SPRED2: variants seen among roughly 807,000 people sequenced by gnomAD.
SPRED2 encodes sprouty related EVH1 domain containing 2.
SPRED2 carries 47 observed loss-of-function variants against 43.0 expected under a neutral mutation model. The ratio of observed to expected loss-of-function variants is 1.09; its 90% CI spans 0.87 to 1.40. SPRED2 has a LOEUF of 1.40. Ranked by LOEUF, SPRED2 falls within the 40% of genes most tolerant of loss-of-function variation. The pLI is 0.00. For missense variants in SPRED2, 561 were observed against 586.4 expected (o/e 0.96, Z 0.45); for synonymous variants, 225 against 225.7 (o/e 1.00, Z 0.03).
intron 1 of SPRED2, among the ~76,000 whole-genome samples, chr2:65,418,081 C>T (rs1231687077): frequency 1.3e-5 from 2 of 152,298 alleles, no homozygotes; most frequent in Non-Finnish European, 2.9e-5. Context: ...TAACTAAAGT[C>T]AGAGAGAAAA....
intron 1 of SPRED2, among the ~76,000 whole-genome samples, chr2:65,352,575 C>T (rs977186164): frequency 1.3e-5 from 2 of 152,334 alleles, no homozygotes; most frequent in Non-Finnish European, 1.5e-5. Flanking sequence ...TAATCTTGCT[C>T]GTGCAGAGTA....
At chr2:65,376,875 C>T (rs566539682) in intron 1 of SPRED2, among the ~76,000 whole-genome samples, 7 of 152,158 alleles carry the variant, frequency 4.6e-5, no homozygotes, top group African/African-American at 1.7e-4. Flanking sequence ...CCACCATGCC[C>T]GGCTAATTTT....
chr2:65,375,114 C>T (rs1270314183), intron 1 of SPRED2, among the ~76,000 whole-genome samples: 1 of 152,232 alleles, frequency 6.6e-6, no homozygotes, highest in Non-Finnish European at 1.5e-5. Context: ...CTGAAGAACA[C>T]ATACCCTGGA....
At chr2:65,406,792 C>T (rs1676034709) in intron 1 of SPRED2, among the ~76,000 whole-genome samples, 1 of 152,190 alleles carries the variant, frequency 6.6e-6, no homozygotes, top group Non-Finnish European at 1.5e-5. Context: ...AAGGCAGCCG[C>T]ACTTCCTTAG....
intron 3 of SPRED2, among the ~76,000 whole-genome samples, chr2:65,332,778 T>C (rs1673852014): frequency 6.6e-6 from 1 of 152,212 alleles, no homozygotes; most frequent in African/African-American, 2.4e-5. Context: ...TTTTTCTTCA[T>C]TCTGGTATGC....
At position 65,384,312 on chromosome 2, in the gene SPRED2, C is replaced by A. The variant is rs116716850; in HGVS notation, c.27-39416G>T. Among the ~76,000 whole-genome samples, 717 of 152,156 alleles carry A rather than the reference C, an allele frequency of 4.7e-3. 8 individuals are homozygous for A. The highest frequency in any genetic ancestry group is 0.017 in the African/African-American group (693 of 41,510). On this transcript the variant is annotated intron_variant, in intron 1 of 5. Coordinates refer to ENST00000356388, the MANE Select transcript of SPRED2 (RefSeq NM_181784.3). ...CCCTGTCAGCATACTTTCCATGGCT[C>A]CCTACTGCTTATGGAATAAAGTCAG...
At chr2:65,374,375 T>C (rs543381694) in intron 1 of SPRED2, among the ~76,000 whole-genome samples, 1 of 152,358 alleles carries the variant, frequency 6.6e-6, no homozygotes, top group South Asian at 2.1e-4. Flanking sequence ...TGTACAAATT[T>C]AACTGCAGGA....
At chr2:65,384,737 G>C (rs909053439) in intron 1 of SPRED2, among the ~76,000 whole-genome samples, 2 of 152,086 alleles carry the variant, frequency 1.3e-5, no homozygotes, top group African/African-American at 4.8e-5. Flanking sequence ...AAGAAGATCG[G>C]TTTCCACCCT....
chr2:65,313,154 T>C lies in SPRED2; in HGVS notation c.*347A>G, dbSNP rs1673116378. ...GTTCCAATTGCAGACTCCTTTGAAC[T>C]GGAAGAGGCGGGGGAGGAGGAAACA... On this transcript the variant is annotated 3_prime_UTR_variant, in exon 6 of 6. Transcript: ENST00000356388. The C allele has an allele frequency of 5.8e-6, 6 of 1,028,802 alleles. No homozygotes were observed. Among genetic ancestry groups the C allele is most frequent in the Non-Finnish European group, 7.0e-6 (6 of 858,790 alleles). 63.7% of individuals were successfully genotyped at this position (1,028,802 alleles called of 1,614,324 possible).
At chr2:65,363,351 A>C (rs754199682) in intron 1 of SPRED2, among the ~76,000 whole-genome samples, 72 of 152,184 alleles carry the variant, frequency 4.7e-4, no homozygotes, top group Non-Finnish European at 8.1e-4. Context: ...AGCTGTCAGC[A>C]AACATGTACC....
rs767119087 is a variant in SPRED2, at chr2:65,432,027, T to G, written c.-40A>C. 1 of 1,613,408 alleles carries G rather than the reference T, an allele frequency of 6.2e-7. No individual in the cohort carries two copies. The highest frequency in any genetic ancestry group is 1.3e-5 in the African/African-American group (1 of 75,038). ...AGACGCCTGTCCCGCGGCGGGCAGC[T>G]TTGCTCCCTTCATCTTCCTGTCCGC... On this transcript the variant is annotated 5_prime_UTR_variant, in exon 1 of 6. Transcript: ENST00000356388.
intron 1 of SPRED2, among the ~76,000 whole-genome samples, chr2:65,419,323 T>A (rs1182967754): frequency 1.3e-5 from 2 of 152,132 alleles, no homozygotes; most frequent in Admixed American, 6.5e-5. Context: ...ACATAGTCTG[T>A]AGGTTAGACT....
At chr2:65,421,772 T>C (rs1484253513) in intron 1 of SPRED2, among the ~76,000 whole-genome samples, 1 of 152,248 alleles carries the variant, frequency 6.6e-6, no homozygotes, top group Non-Finnish European at 1.5e-5. Context: ...CTGAGGTGTT[T>C]ACAGGATTCT....
intron 2 of SPRED2, among the ~76,000 whole-genome samples, chr2:65,341,446 T>C (rs1674181864): frequency 6.6e-6 from 1 of 152,134 alleles, no homozygotes; most frequent in Non-Finnish European, 1.5e-5. Context: ...GGTCCACGAC[T>C]CAGCGGGGGC....
In SPRED2 at chr2:65,313,898, A is replaced by T. The variant is rs763737477; in HGVS notation, c.860T>A (p.Val287Glu). The change falls in exon 6 of 6, where the codon GTG becomes GAG. Residue 287 changes from valine to glutamate, a missense_variant. By Grantham distance (121) the Val-to-Glu change is moderately radical (BLOSUM62 -2). Transcript: ENST00000356388. ...GCCCCGGGAGGGCTGCGTCTTGATC[A>T]CGCTGCCCCCGCGGCCTTTGGGGTC... ...GEDPKGRGGS[V>E]IKTQPSRGKS... 8 of 1,610,152 alleles carry T rather than the reference A, an allele frequency of 5.0e-6. No individual in the cohort carries two copies. The Admixed American group carries it at 1.3e-4, about 27-fold the overall frequency.
chr2:65,421,344 T>C (rs1332224197), intron 1 of SPRED2, among the ~76,000 whole-genome samples: 1 of 152,204 alleles, frequency 6.6e-6, no homozygotes, highest in Non-Finnish European at 1.5e-5. Flanking sequence ...GTCATCTTTT[T>C]ATTAGGGTCT....
In SPRED2 at chr2:65,311,810, G is replaced by C. The variant is rs1380721313; in HGVS notation, c.*1691C>G. The C allele has an allele frequency of 2.0e-6, 2 of 985,432 alleles. No individual in the cohort carries two copies. Among genetic ancestry groups the C allele is most frequent in the Non-Finnish European group, 2.4e-6 (2 of 829,948 alleles). 61.0% of individuals were successfully genotyped at this position (985,432 alleles called of 1,614,324 possible). On this transcript the variant is annotated 3_prime_UTR_variant, in exon 6 of 6. Coordinates refer to ENST00000356388, the MANE Select transcript of SPRED2 (RefSeq NM_181784.3). Reference sequence around the variant, plus strand: ...AAAGAAAATCGATGAGCTTGTGGACGAGCTGGAAACAGCCCCATGAAGGTG... The same window carrying C: ...AAAGAAAATCGATGAGCTTGTGGACCAGCTGGAAACAGCCCCATGAAGGTG...
At chr2:65,418,109 C>CA (rs530558708) in intron 1 of SPRED2, among the ~76,000 whole-genome samples, 68 of 152,348 alleles carry the variant, frequency 4.5e-4, no homozygotes, top group Middle Eastern at 6.8e-3. Flanking sequence ...TGAGATCTGT[C>CA]AGACAGAATT....
intron 1 of SPRED2, among the ~76,000 whole-genome samples, chr2:65,361,985 C>A (rs1674827734): frequency 6.6e-6 from 1 of 152,152 alleles, no homozygotes; most frequent in African/African-American, 2.4e-5. Context: ...AAAACAACAA[C>A]AACAAAAAAA....
Sources: gnomAD v4.1 joint callset for allele counts (sites outside exome capture counted in the v4.1 genomes callset) on GRCh38, gnomAD v4.1.1 for gene constraint, MANE v1.5 for transcripts, NCBI Gene and HGNC (gene_info 2026-07-23, HGNC 2026-07-21) for gene names.